TRIM33: variants seen among roughly 807,000 people sequenced by gnomAD.
TRIM33 encodes the protein tripartite motif containing 33.
A neutral mutation model predicts 125.4 loss-of-function variants in TRIM33; 20 were observed. The ratio of observed to expected loss-of-function variants is 0.16; its 90% CI spans 0.11 to 0.23. The LOEUF is 0.23. TRIM33 is among the 10% of genes least tolerant of loss of function. The pLI is 1.00. For missense variants in TRIM33, 920 were observed against 1,411.4 expected, an observed-to-expected ratio of 0.65 and a Z score of 5.58; for synonymous variants, 564 against 513.9, an observed-to-expected ratio of 1.10 and a Z score of -1.32.
At chr1:114,411,502 C>A (rs1403554736) in intron 11 of TRIM33, among the ~76,000 whole-genome samples, 1 of 152,024 alleles carries the variant, frequency 6.6e-6, no homozygotes, top group Non-Finnish European at 1.5e-5. Context: ...CTCAAGTCAA[C>A]AGGAAGATTT....
chr1:114,510,501 G>A (rs1485648347), intron 1 of TRIM33, 50 bp downstream of exon 1: 3 of 1,435,424 alleles, frequency 2.1e-6, no homozygotes, highest in African/African-American at 2.9e-5. Flanking sequence ...CTCCTCTAGG[G>A]TTGCGCAAAT....
intron 1 of TRIM33, among the ~76,000 whole-genome samples, chr1:114,480,588 A>G (rs1464530926): frequency 6.6e-6 from 1 of 151,596 alleles, no homozygotes; most frequent in African/African-American, 2.4e-5. Context: ...CTAAAAGAAA[A>G]TTTTAAGGTA....
chr1:114,424,508 C>A, intron 10 of TRIM33, 83 bp downstream of exon 10: 2 of 1,284,004 alleles, frequency 1.6e-6, no homozygotes, highest in Non-Finnish European at 2.1e-6. Flanking sequence ...ACATCAATGA[C>A]CTGCTCCCAA....
At chr1:114,478,605 A>C (rs1651114223) in intron 1 of TRIM33, among the ~76,000 whole-genome samples, 1 of 152,234 alleles carries the variant, frequency 6.6e-6, no homozygotes, top group South Asian at 2.1e-4. Flanking sequence ...AAATATTTTA[A>C]AAGAATAAAA....
At chr1:114,438,418 C>G (rs536830568) in intron 4 of TRIM33, among the ~76,000 whole-genome samples, 1 of 152,274 alleles carries the variant, frequency 6.6e-6, no homozygotes, top group African/African-American at 2.4e-5. Flanking sequence ...AGTATCCATT[C>G]ATAGCTGATT....
intron 1 of TRIM33, among the ~76,000 whole-genome samples, chr1:114,465,049 G>A (rs1322810923): frequency 1.3e-5 from 2 of 152,184 alleles, no homozygotes; most frequent in African/African-American, 2.4e-5. Context: ...GACAGGTGCT[G>A]TTTTAAGACA....
At chr1:114,495,936 C>CT (rs1428621130) in intron 1 of TRIM33, among the ~76,000 whole-genome samples, 2 of 152,176 alleles carry the variant, frequency 1.3e-5, no homozygotes, top group Admixed American at 1.3e-4. Context: ...AATATAATCT[C>CT]TTACCTCTCC....
intron 4 of TRIM33, chr1:114,460,301 T>G (rs1400358588): frequency 6.0e-6 from 1 of 165,548 alleles, no homozygotes; most frequent in South Asian, 1.5e-4. Flanking sequence ...AAGTCAAATC[T>G]CACCAAGTAA....
chr1:114,408,001 CA>C (rs1031830169), intron 13 of TRIM33, among the ~76,000 whole-genome samples: 4 of 152,242 alleles, frequency 2.6e-5, no homozygotes, highest in Admixed American at 2.0e-4. Context: ...GTTGCCATCA[CA>C]AAAACCCCCA....
chr1:114,470,803 GTGTTT>G (rs961071151), intron 1 of TRIM33, among the ~76,000 whole-genome samples: 3 of 152,164 alleles, frequency 2.0e-5, no homozygotes, highest in African/African-American at 7.2e-5. Flanking sequence ...GAAAAGTTTT[GTGTTT>G]TGTTTTGTTT....
At chr1:114,493,434 T>C (rs562936288) in intron 1 of TRIM33, among the ~76,000 whole-genome samples, 1 of 152,306 alleles carries the variant, frequency 6.6e-6, no homozygotes, top group East Asian at 1.9e-4. Context: ...TCATGCTTTA[T>C]TTAGGTTGTT....
intron 1 of TRIM33, among the ~76,000 whole-genome samples, chr1:114,465,334 C>G (rs1030870990): frequency 6.6e-6 from 1 of 152,170 alleles, no homozygotes. Flanking sequence ...ATAAATGACA[C>G]AATCCACACC....
chr1:114,400,771 T>C (rs1419706667), intron 17 of TRIM33, among the ~76,000 whole-genome samples: 1 of 152,258 alleles, frequency 6.6e-6, no homozygotes, highest in Non-Finnish European at 1.5e-5. Context: ...ATAAAATGTG[T>C]GTAGAATATT....
At chr1:114,430,976 T>TA in intron 5 of TRIM33, 64 bp from the exon 6 acceptor site, 1 of 936,504 alleles carries the variant, frequency 1.1e-6, no homozygotes, top group Non-Finnish European at 1.7e-6. Flanking sequence ...CATCAACTGT[T>TA]ACAGAAATTC....
At chr1:114,432,110 G>T (rs1285991063) in intron 5 of TRIM33, among the ~76,000 whole-genome samples, 1 of 152,092 alleles carries the variant, frequency 6.6e-6, no homozygotes, top group East Asian at 1.9e-4. Flanking sequence ...TTTTAATACT[G>T]TTTTTTTAAA....
chr1:114,505,658 C>A (rs765859096), intron 1 of TRIM33, among the ~76,000 whole-genome samples: 1 of 152,226 alleles, frequency 6.6e-6, no homozygotes, highest in African/African-American at 2.4e-5. Flanking sequence ...ACCTCCGCCT[C>A]CAAGACTCAA....
intron 14 of TRIM33, 32 bp from the exon 15 acceptor site, chr1:114,405,791 A>G: frequency 6.5e-7 from 1 of 1,545,788 alleles, no homozygotes; most frequent in Non-Finnish European, 8.8e-7. Flanking sequence ...TTCTTGAAGA[A>G]TCATTTAATC....
At chr1:114,421,664 C>A (rs776112610) in intron 10 of TRIM33, 28 bp from the exon 11 acceptor site, 49 of 1,605,260 alleles carry the variant, frequency 3.1e-5, no homozygotes, top group Non-Finnish European at 4.1e-5. Flanking sequence ...ATTATCATTA[C>A]TTGATCTGCC....
chr1:114,501,505 G>A (rs1386535806), intron 1 of TRIM33, among the ~76,000 whole-genome samples: 1 of 152,090 alleles, frequency 6.6e-6, no homozygotes, highest in African/African-American at 2.4e-5. Flanking sequence ...CTGTATATAT[G>A]GCTTTAATGA....
Sources: allele counts gnomAD v4.1 joint callset (sites outside exome capture counted in the v4.1 genomes callset), GRCh38; gene constraint gnomAD v4.1.1; transcripts MANE v1.5; gene names NCBI Gene and HGNC (gene_info 2026-07-23, HGNC 2026-07-21).